CELSR1: variants seen among roughly 807,000 people sequenced by gnomAD.
CELSR1 encodes the protein adhesion G protein-coupled receptor C1.
Under a neutral mutation model 249.1 loss-of-function variants are expected in CELSR1, and 110 were observed. That is an observed-to-expected ratio of 0.44 (90% CI 0.38 to 0.52). The LOEUF (loss-of-function observed/expected upper bound fraction) is 0.52, where lower values mean the gene tolerates loss of function less well. CELSR1 is among the 20% of genes least tolerant of loss of function. The probability of loss-of-function intolerance (pLI) is 0.00; values close to 1 mark genes in which losing one functional copy is unlikely to be tolerated. For synonymous variants in CELSR1, 2,113 were observed against 1,900.0 expected (o/e 1.11, Z -2.92); for missense variants, 4,109 against 4,296.4 (o/e 0.96, Z 1.22).
At chr22:46,397,150 C>A (rs2079156555) in intron 12 of CELSR1, among the ~76,000 whole-genome samples, 1 of 152,094 alleles carries the variant, frequency 6.6e-6, no homozygotes, top group Admixed American at 6.5e-5. Context: ...GTTGCCCAGG[C>A]TGAGGTGCAG....
chr22:46,411,574 C>T lies in CELSR1; in HGVS notation c.4769+28G>A, dbSNP rs1205514986. On this transcript the variant is annotated intron_variant, in intron 6 of 34. Coordinates refer to ENST00000674500, the MANE Select transcript of CELSR1 (RefSeq NM_001378328.1). The surrounding 1 kb of genome is among the most constrained non-coding windows in gnomAD (Gnocchi z 4.2). ...TGAGCATGTTTGGGGGTACGGACCCCCAGGGCCTCCCCTCCTGGGATGCTC... is the reference window on the plus strand; with the variant it reads ...TGAGCATGTTTGGGGGTACGGACCCTCAGGGCCTCCCCTCCTGGGATGCTC... 6.2e-7 allele frequency: 1 copy of T among 1,613,350 alleles called. No individual in the cohort carries two copies. Among genetic ancestry groups the T allele is most frequent in the African/African-American group, 1.3e-5 (1 of 75,068 alleles).
intron 1 of CELSR1, among the ~76,000 whole-genome samples, chr22:46,483,978 A>G (rs890570544): frequency 1.3e-5 from 2 of 152,248 alleles, no homozygotes; most frequent in Admixed American, 6.5e-5. Flanking sequence ...TGGCACCAAC[A>G]GGCTCAGAAG....
rs953556177 is a variant in CELSR1, at chr22:46,428,141, C to T, written c.4611+5252G>A. Among the ~76,000 whole-genome samples, 23 of 152,196 alleles carry T rather than the reference C, an allele frequency of 1.5e-4. No homozygotes were observed. Among genetic ancestry groups the T allele is most frequent in the African/African-American group, 4.3e-4 (18 of 41,448 alleles). ...TCCTCTGCTCAACAGAAGCAGAGGC[C>T]GGTCCTCCGGTTTGTTGCAACCGGG... is the stretch of plus-strand genomic sequence containing the variant. On this transcript the variant is annotated intron_variant, in intron 5 of 34. Transcript: ENST00000674500. This position sits in a 1 kb window ranked among gnomAD's most constrained non-coding sequence, Gnocchi z 5.7.
rs372059574 is a variant in CELSR1 at position 46,384,783 on chromosome 22, T to C, written c.6740-97A>G. The C allele has an allele frequency of 1.3e-4, 174 of 1,299,828 alleles. 1 individual carries two copies. The South Asian group carries it at 1.6e-3, about 12-fold the overall frequency. The allele number at this position is 1,299,828 out of a possible 1,614,324, so 80.5% of individuals were successfully genotyped here. ...CCACAACTGTCACACTGACGCTGGC[T>C]GGCCATATTTATTTATTTATTTTTG... On this transcript the variant is annotated intron_variant, in intron 19 of 34. Transcript: ENST00000674500.
At chr22:46,367,485 G>A (rs1272151215) in intron 28 of CELSR1, among the ~76,000 whole-genome samples, 1 of 152,200 alleles carries the variant, frequency 6.6e-6, no homozygotes, top group Non-Finnish European at 1.5e-5. Context: ...TCTGTTCCCT[G>A]GAGACACAAG....
At chr22:46,368,720 C>T (rs922453796) in intron 27 of CELSR1, among the ~76,000 whole-genome samples, 3 of 152,080 alleles carry the variant, frequency 2.0e-5, no homozygotes, top group African/African-American at 7.2e-5. Context: ...GGTCCCCTCT[C>T]CTCCCTAGAA....
Position 46,533,765 on chromosome 22 carries a change from C to T in CELSR1, c.3406G>A (p.Asp1136Asn), listed in dbSNP as rs796052178. 3 of 1,613,574 alleles carry T rather than the reference C, an allele frequency of 1.9e-6. No individual in the cohort carries two copies. Among genetic ancestry groups the T allele is most frequent in the East Asian group, 4.5e-5 (2 of 44,888 alleles). Residue 1136 changes from aspartate to asparagine, a missense_variant, in exon 1 of 35, where the codon GAC becomes AAC. Physicochemically the swap from Asp to Asn is conservative, Grantham distance 23. This residue lies in a region of CELSR1 where 886 missense variants were observed against 896.5 expected (regional missense o/e 0.99). Coordinates refer to ENST00000674500, the MANE Select transcript of CELSR1 (RefSeq NM_001378328.1). ...CIPAHDPDVSDSLNYTFVQGN... is the reference protein window; with the variant it reads ...CIPAHDPDVSNSLNYTFVQGN... Reference sequence around the variant, plus strand: ...TGCACGAAGGTGTAGTTGAGGCTGTCTGACACGTCGGGGTCATGGGCCGGG... The same window carrying T: ...TGCACGAAGGTGTAGTTGAGGCTGTTTGACACGTCGGGGTCATGGGCCGGG...
intron 1 of CELSR1, among the ~76,000 whole-genome samples, chr22:46,505,315 A>G: frequency 6.6e-6 from 1 of 151,422 alleles, no homozygotes; most frequent in East Asian, 1.9e-4. Flanking sequence ...CTAGAACGCA[A>G]GGTCTGCAAT....
rs1026694417 is a variant in CELSR1, at chr22:46,527,364, C to G, written c.3544+6263G>C. On this transcript the variant is annotated intron_variant, in intron 1 of 34. Coordinates refer to ENST00000674500, the MANE Select transcript of CELSR1 (RefSeq NM_001378328.1). This position sits in a 1 kb window ranked among gnomAD's most constrained non-coding sequence, Gnocchi z 5.5. ...ATGGGACCCAGCTCTTGCCTAAATC[C>G]TCCCGAGGGGGCCCACCAAACCCTC... Among the ~76,000 whole-genome samples the G allele has an allele frequency of 6.6e-6, 1 of 152,164 alleles. No homozygotes were observed. Among genetic ancestry groups the G allele is most frequent in the African/African-American group, 2.4e-5 (1 of 41,430 alleles).
chr22:46,528,797 C>T (rs986830682), intron 1 of CELSR1, among the ~76,000 whole-genome samples: 14 of 151,618 alleles, frequency 9.2e-5, no homozygotes, highest in Admixed American at 3.3e-4. Context: ...GGCGTGGTGG[C>T]GGGCGCCTGT....
At chr22:46,514,511 G>A (rs968613400) in intron 1 of CELSR1, among the ~76,000 whole-genome samples, 1 of 152,118 alleles carries the variant, frequency 6.6e-6, no homozygotes. Context: ...CTGGTGAGGT[G>A]GGGAGTGGGG....
Position 46,381,022 on chromosome 22 carries a change from C to A in CELSR1, c.7089-67G>T. 1 of 1,528,684 alleles carries A rather than the reference C, an allele frequency of 6.5e-7. No homozygotes were observed. The allele number at this position is 1,528,684 out of a possible 1,614,324, so 94.7% of individuals were successfully genotyped here. A position where few individuals can be genotyped will look rare whatever the true frequency, so the allele number is the denominator to read the frequency against. ...GAAACATCTGCTTAAATCCCGCGCACAAATGCCCTGAGGACACGCCATGAT... is the reference window on the plus strand; with the variant it reads ...GAAACATCTGCTTAAATCCCGCGCAAAAATGCCCTGAGGACACGCCATGAT... On this transcript the variant is annotated intron_variant, in intron 21 of 34. Transcript: ENST00000674500. This position sits in a 1 kb window ranked among gnomAD's most constrained non-coding sequence, Gnocchi z 6.0.
chr22:46,434,077 C>G lies in CELSR1; in HGVS notation c.4523-596G>C, dbSNP rs550965426. ...ACCTACACCGCACCAGAGGTCGAAC[C>G]CTTTTTCCTATGCATTGCATCAACG... On this transcript the variant is annotated intron_variant, in intron 4 of 34. Transcript: ENST00000674500. This position sits in a 1 kb window ranked among gnomAD's most constrained non-coding sequence, Gnocchi z 4.9. Among the ~76,000 whole-genome samples the G allele has an allele frequency of 6.6e-6, 1 of 152,362 alleles. No individual in the cohort carries two copies. The highest frequency in any genetic ancestry group is 2.1e-4 in the South Asian group (1 of 4,828).
rs554360796 is a variant in CELSR1 at position 46,435,696 on chromosome 22, A to G, written c.4522+478T>C. Among the ~76,000 whole-genome samples the G allele has an allele frequency of 3.3e-5, 5 of 152,162 alleles. No homozygotes were observed. The East Asian group carries it at 9.7e-4, about 29-fold the overall frequency. ...CACTATAAATAACACTGTTATGAAC[A>G]TCTTTTTATTATTATTATTTTTTGA... On this transcript the variant is annotated intron_variant, in intron 4 of 34. Transcript: ENST00000674500.
At chr22:46,449,305 TCA>T (rs1384563980) in intron 2 of CELSR1, among the ~76,000 whole-genome samples, 3 of 142,546 alleles carry the variant, frequency 2.1e-5, no homozygotes, top group Non-Finnish European at 4.5e-5. Flanking sequence ...TATCCACCCA[TCA>T]CACATCCATC....
chr22:46,452,166 C>T (rs754912254), intron 2 of CELSR1, among the ~76,000 whole-genome samples: 1 of 152,116 alleles, frequency 6.6e-6, no homozygotes, highest in African/African-American at 2.4e-5. Context: ...CCTAGGAGAA[C>T]GAGGCCCAGA....
intron 17 of CELSR1, 73 bp from the exon 18 acceptor site, chr22:46,389,572 A>G (rs1569126999): frequency 1.4e-6 from 2 of 1,414,662 alleles, no homozygotes; most frequent in African/African-American, 2.8e-5. Context: ...TTACTCAGCA[A>G]CTCACTACTG....
Position 46,456,254 on chromosome 22 carries a change from C to T in CELSR1, c.4183+7453G>A, listed in dbSNP as rs141481615. On this transcript the variant is annotated intron_variant, in intron 2 of 34. Coordinates refer to ENST00000674500, the MANE Select transcript of CELSR1 (RefSeq NM_001378328.1). The stretch of plus-strand genomic sequence containing the variant: ...CAGACGTCACTCCGCAGGGTGATGG[C>T]ACAGCTCGCCATGAATGAGGACCTT... Among the ~76,000 whole-genome samples the T allele has an allele frequency of 4.3e-3, 648 of 152,348 alleles. 14 individuals carry two copies. Among genetic ancestry groups the T allele is most frequent in the Admixed American group, 0.027 (418 of 15,304 alleles).
Position 46,470,451 on chromosome 22 carries a change from G to A in CELSR1, c.3545-6106C>T, listed in dbSNP as rs147361142. On this transcript the variant is annotated intron_variant, in intron 1 of 34. Coordinates refer to ENST00000674500, the MANE Select transcript of CELSR1 (RefSeq NM_001378328.1). ...AAGGCACAGCACAGAGAAACACCCCGGAACAAGGACCCATATTCTAGGGAC... is the reference window on the plus strand; with the variant it reads ...AAGGCACAGCACAGAGAAACACCCCAGAACAAGGACCCATATTCTAGGGAC... 4.6e-3 allele frequency among the ~76,000 whole-genome samples: 697 copies of A among 151,912 alleles called. 1 individual carries two copies. Among genetic ancestry groups the A allele is most frequent in the Middle Eastern group, 6.8e-3 (2 of 292 alleles).
Sources: gnomAD v4.1 joint callset for allele counts (sites outside exome capture counted in the v4.1 genomes callset) on GRCh38, gnomAD v4.1.1 for gene constraint, gnomAD v4.1.1 regional missense constraint, Gnocchi (gnomAD v3.1) non-coding constraint, MANE v1.5 for transcripts, NCBI Gene and HGNC (gene_info 2026-07-23, HGNC 2026-07-21) for gene names.